The following PTTG1IP variants were observed in gnomAD, a reference collection of about 807,000 sequenced individuals.
The protein encoded by PTTG1IP is PTTG1 interacting protein, also known as pituitary tumor-transforming gene 1 protein-interacting protein.
In PTTG1IP, 16 loss-of-function variants were observed where a neutral mutation model predicts 24.4. The ratio of observed to expected loss-of-function variants is 0.66; its 90% confidence interval spans 0.44 to 1.00. PTTG1IP has a LOEUF of 1.00. Among genes scored for constraint, PTTG1IP ranks in the 50% least tolerant of loss-of-function variants. The pLI is 0.00. For synonymous variants in PTTG1IP, 89 were observed against 96.8 expected (o/e 0.92, Z 0.47); for missense variants, 241 against 245.8 (o/e 0.98, Z 0.13).
chr21:44,850,886 T>C lies in PTTG1IP; in HGVS notation c.*695A>G, dbSNP rs1056535930. The C allele has an allele frequency of 1.3e-5, 2 of 153,086 alleles. No homozygotes were observed. The highest frequency in any genetic ancestry group is 2.4e-5 in the African/African-American group (1 of 41,496). The allele number at this position is 153,086 out of a possible 1,614,324, so 9.5% of individuals were successfully genotyped here. A position where few individuals can be genotyped will look rare whatever the true frequency, so the allele number is the denominator to read the frequency against. On this transcript the variant is annotated 3_prime_UTR_variant, in exon 6 of 6. Transcript: ENST00000330938. ...CTAGTAAAGATACAAATTTTAAAAA[T>C]TGTCCAAAAAGGGCCTGAATTTTTA...
intron 3 of PTTG1IP, among the ~76,000 whole-genome samples, chr21:44,860,330 T>C (rs560329456): frequency 7.2e-5 from 11 of 152,168 alleles, no homozygotes; most frequent in East Asian, 5.8e-4. Context: ...GATAGTGCCA[T>C]TGCACTCCAG....
intron 1 of PTTG1IP, 56 bp downstream of exon 1, chr21:44,873,446 T>A: frequency 2.3e-6 from 3 of 1,305,386 alleles, no homozygotes; most frequent in Non-Finnish European, 2.9e-6. Context: ...GACCCCGACC[T>A]GGACCCACCA....
Position 44,873,676 on chromosome 21 carries a change from G to C in PTTG1IP, c.-60C>G, listed in dbSNP as rs902388051. 4 of 1,299,472 alleles carry C rather than the reference G, an allele frequency of 3.1e-6. No individual in the cohort carries two copies. The highest frequency in any genetic ancestry group is 3.1e-5 in the African/African-American group (2 of 64,810). The allele number at this position is 1,299,472 out of a possible 1,614,324, so 80.5% of individuals were successfully genotyped here. A position where few individuals can be genotyped will look rare whatever the true frequency, so the allele number is the denominator to read the frequency against. ...TACAACTCCGACTCCAGCACAAGCG[G>C]TCTCCGCCCGGAACAGCCGCGGCGC... On this transcript the variant is annotated 5_prime_UTR_variant, in exon 1 of 6. Coordinates refer to ENST00000330938, the MANE Select transcript of PTTG1IP (RefSeq NM_004339.4).
At chr21:44,853,895 G>C (rs2083429114) in intron 5 of PTTG1IP, among the ~76,000 whole-genome samples, 1 of 152,206 alleles carries the variant, frequency 6.6e-6, no homozygotes, top group Admixed American at 6.5e-5. Flanking sequence ...GCAGCCTCAC[G>C]CCCCCAAGCC....
intron 5 of PTTG1IP, among the ~76,000 whole-genome samples, chr21:44,854,813 A>G (rs575132092): frequency 5.6e-4 from 85 of 152,278 alleles, no homozygotes; most frequent in African/African-American, 2.0e-3. Context: ...CGCCTGCCAC[A>G]CTCAGAAGAT....
At chr21:44,856,393 C>A in intron 3 of PTTG1IP, 29 bp from the exon 4 acceptor site, 1 of 1,588,758 alleles carries the variant, frequency 6.3e-7, no homozygotes, top group Non-Finnish European at 8.6e-7. Context: ...GGAGTTAGGG[C>A]CGCCCCAGAC....
chr21:44,855,722 C>T (rs2083444396), intron 4 of PTTG1IP, among the ~76,000 whole-genome samples: 1 of 152,146 alleles, frequency 6.6e-6, no homozygotes, highest in Non-Finnish European at 1.5e-5. Flanking sequence ...CAGGTCCTCT[C>T]CTTTGCCAGG....
intron 5 of PTTG1IP, among the ~76,000 whole-genome samples, chr21:44,854,671 T>C (rs142467553): frequency 3.3e-5 from 5 of 152,356 alleles, no homozygotes; most frequent in Non-Finnish European, 7.3e-5. Flanking sequence ...AGGTTTACAC[T>C]TGGCAAATAC....
chr21:44,856,122 T>A lies in PTTG1IP; in HGVS notation c.449+71A>T. The A allele has an allele frequency of 2.5e-6, 4 of 1,612,764 alleles. No individual in the cohort carries two copies. In the South Asian group the frequency reaches 4.4e-5, roughly 18 times the overall value. Reference sequence around the variant, plus strand: ...GAGGAAAACTCAGGATGTATCCATGTGATTTCCATGGCCTTGCAGATCTGA... The same window carrying A: ...GAGGAAAACTCAGGATGTATCCATGAGATTTCCATGGCCTTGCAGATCTGA... On this transcript the variant is annotated intron_variant, in intron 4 of 5. Coordinates refer to ENST00000330938, the MANE Select transcript of PTTG1IP (RefSeq NM_004339.4).
chr21:44,865,454 G>A lies in PTTG1IP; in HGVS notation c.116-7C>T, dbSNP rs545810485. On this transcript the variant is annotated splice_polypyrimidine_tract_variant and splice_region_variant and intron_variant, in intron 1 of 5. Coordinates refer to ENST00000330938, the MANE Select transcript of PTTG1IP (RefSeq NM_004339.4). ...TTTGTGTTCTGAGAACAAGCTGCAG[G>A]AAAGAGGCAAGAGACAAGTCAGTCA... 6 of 1,614,116 alleles carry A rather than the reference G, an allele frequency of 3.7e-6. No individual in the cohort carries two copies. In the Admixed American group the frequency reaches 8.3e-5, roughly 22 times the overall value.
chr21:44,870,788 T>C (rs1050117963), intron 1 of PTTG1IP, among the ~76,000 whole-genome samples: 2 of 152,236 alleles, frequency 1.3e-5, no homozygotes, highest in Non-Finnish European at 2.9e-5. Context: ...CCTTTCAGTC[T>C]CATTTGTTTC....
At chr21:44,852,584 C>T (rs927133183) in intron 5 of PTTG1IP, among the ~76,000 whole-genome samples, 2 of 152,066 alleles carry the variant, frequency 1.3e-5, no homozygotes, top group Non-Finnish European at 2.9e-5. Context: ...GAAGAGGCGG[C>T]GGGGAAGCAG....
At chr21:44,858,596 C>T (rs909993928) in intron 3 of PTTG1IP, among the ~76,000 whole-genome samples, 2 of 152,216 alleles carry the variant, frequency 1.3e-5, no homozygotes, top group African/African-American at 4.8e-5. Flanking sequence ...GCCCTGTTCC[C>T]CTGCGGGACC....
chr21:44,851,440 T>C lies in PTTG1IP; in HGVS notation c.*141A>G, dbSNP rs755176561. The C allele has an allele frequency of 1.9e-6, 3 of 1,603,058 alleles. No homozygotes were observed. The highest frequency in any genetic ancestry group is 4.5e-5 in the East Asian group (2 of 44,702). On this transcript the variant is annotated 3_prime_UTR_variant, in exon 6 of 6. Coordinates refer to ENST00000330938, the MANE Select transcript of PTTG1IP (RefSeq NM_004339.4). ...GAGAGGACTGTCCTTCAGGGGCAGC[T>C]CTCCGGCCGCCTGTCCTGGAAGGCT...
chr21:44,872,757 C>G (rs1295501647), intron 1 of PTTG1IP: 3 of 152,388 alleles, frequency 2.0e-5, no homozygotes, highest in Non-Finnish European at 4.4e-5. Context: ...GTCAGCCTCC[C>G]GGGGACTCAG....
intron 2 of PTTG1IP, chr21:44,861,629 C>A: frequency 1.5e-6 from 1 of 685,662 alleles, no homozygotes; most frequent in South Asian, 1.6e-5. Flanking sequence ...CTGCCTGGAG[C>A]ACTCTCCCCA....
intron 4 of PTTG1IP, 152 bp downstream of exon 4, chr21:44,856,041 T>C (rs967005001): frequency 4.7e-6 from 7 of 1,493,972 alleles, no homozygotes; most frequent in African/African-American, 2.8e-5. Flanking sequence ...TCTCGCTCTC[T>C]ACCACGACCT....
In PTTG1IP at chr21:44,868,441, G is replaced by A. The variant is rs1292340457; in HGVS notation, c.116-2994C>T. Among the ~76,000 whole-genome samples the A allele has an allele frequency of 3.3e-5, 5 of 152,200 alleles. No individual in the cohort carries two copies. The South Asian group carries it at 6.2e-4, about 19-fold the overall frequency. On this transcript the variant is annotated intron_variant, in intron 1 of 5. Transcript: ENST00000330938. ...GGTTTCTACGTGCTGTTCCCCATCA[G>A]CCGGAAGCAGGGCTCCTCGGAGAAA...
chr21:44,853,349 A>G (rs1163618614), intron 5 of PTTG1IP, among the ~76,000 whole-genome samples: 1 of 152,262 alleles, frequency 6.6e-6, no homozygotes, highest in East Asian at 1.9e-4. Flanking sequence ...CTACTAAAAA[A>G]TACAAAAAAT....
Sources: allele counts gnomAD v4.1 joint callset (sites outside exome capture counted in the v4.1 genomes callset), GRCh38; gene constraint gnomAD v4.1.1; transcripts MANE v1.5; gene names NCBI Gene and HGNC (gene_info 2026-07-23, HGNC 2026-07-21).